Variants in INSRR observed in about 807,000 individuals in gnomAD.
INSRR encodes the protein insulin receptor related receptor.
Under a neutral mutation model 130.0 loss-of-function variants are expected in INSRR, and 114 were observed. The observed-to-expected ratio is 0.88, with a 90% CI of 0.75 to 1.02. The LOEUF (loss-of-function observed/expected upper bound fraction) is 1.02. Among genes scored for constraint, INSRR ranks in the 50% least tolerant of loss-of-function variants. INSRR has a pLI of 0.00. For synonymous variants in INSRR, 674 were observed against 705.2 expected, an observed-to-expected ratio of 0.96 and a Z score of 0.70; for missense variants, 1,657 against 1,735.2, an observed-to-expected ratio of 0.95 and a Z score of 0.80.
At chr1:156,849,506 G>A in intron 5 of INSRR, 46 bp from the exon 6 acceptor site, 1 of 1,226,624 alleles carries the variant, frequency 8.2e-7, no homozygotes. Context: ...GTGGGGGCAG[G>A]GGGTGGGAAA....
intron 19 of INSRR, 30 bp from the exon 20 acceptor site, chr1:156,841,824 T>A: frequency 6.2e-7 from 1 of 1,613,596 alleles, no homozygotes; most frequent in East Asian, 2.2e-5. Context: ...GTGGAGGAGG[T>A]GTGGGGCATA....
rs777560126 is a variant in INSRR, at chr1:156,854,212, G to A, written c.177C>T (p.Leu59=). 10 of 1,614,068 alleles carry A rather than the reference G, an allele frequency of 6.2e-6. No homozygotes were observed. The highest frequency in any genetic ancestry group is 1.7e-4 in the Middle Eastern group (1 of 6,058). ...AGTCCTCCCCGGTGGCTGTGAACAT[G>A]AGCAGGATCTGCAGGTGGCCCTCCA... The part of the protein sequence containing the change: ...SVVEGHLQIL[L]MFTATGEDFR... Residue 59 remains leucine (L), a synonymous_variant, in exon 2 of 22, where the codon CTC becomes CTT. Coordinates refer to ENST00000368195, the MANE Select transcript of INSRR (RefSeq NM_014215.3). This position sits in a 1 kb window ranked among gnomAD's most constrained non-coding sequence, Gnocchi z 4.2.
intron 14 of INSRR, 26 bp downstream of exon 14, chr1:156,844,436 A>G (rs778034198): frequency 5.6e-6 from 9 of 1,606,430 alleles, no homozygotes; most frequent in Non-Finnish European, 7.7e-6. Context: ...TCGGTGATAC[A>G]GGTCTGTGAC....
intron 4 of INSRR, 69 bp from the exon 5 acceptor site, chr1:156,851,503 A>G: frequency 1.9e-6 from 3 of 1,607,464 alleles, no homozygotes; most frequent in Non-Finnish European, 2.6e-6. Flanking sequence ...AAGGGGGCTG[A>G]ATGGGGGCCC....
At chr1:156,849,503 C>T in intron 5 of INSRR, 43 bp from the exon 6 acceptor site, 2 of 483,664 alleles carry the variant, frequency 4.1e-6, no homozygotes, top group East Asian at 5.3e-5. Context: ...GAGGTGGGGG[C>T]AGGGGGTGGG....
chr1:156,845,914 C>A (rs1253249072), intron 9 of INSRR, 38 bp downstream of exon 9: 1 of 1,602,236 alleles, frequency 6.2e-7, no homozygotes, highest in East Asian at 2.3e-5. Context: ...CCCTTCCCCA[C>A]CCGCCCCGCG....
intron 5 of INSRR, among the ~76,000 whole-genome samples, chr1:156,850,534 C>CTTTTTTTTTTTTT (rs35237064): frequency 5.1e-5 from 3 of 58,618 alleles, no homozygotes; most frequent in Non-Finnish European, 3.6e-5. Flanking sequence ...TTAAAACATT[C>CTTTTTTTTTTTTT]TTTTTTTTTT....
At chr1:156,845,523 G>T (rs2102858330) in intron 10 of INSRR, 96 bp downstream of exon 10, 4 of 1,469,960 alleles carry the variant, frequency 2.7e-6, no homozygotes, top group South Asian at 1.4e-5. Flanking sequence ...GCCCACACAA[G>T]CAAGGCCCCA....
At position 156,854,509 on chromosome 1, in the gene INSRR, CA is replaced by C. The variant is rs1655343377; in HGVS notation, c.86-207del. Among the ~76,000 whole-genome samples the C allele has an allele frequency of 6.7e-6, 1 of 149,738 alleles. No individual in the cohort carries two copies. Among genetic ancestry groups the C allele is most frequent in the Non-Finnish European group, 1.5e-5 (1 of 67,516 alleles). Reference sequence around the variant, plus strand: ...GTCTCTACCAGATGAGCCACACAGGCAAAAATGAACTCCTGATCCTCTCTCC... The same window carrying C: ...GTCTCTACCAGATGAGCCACACAGGCAAAATGAACTCCTGATCCTCTCTCC... On this transcript the variant is annotated intron_variant, in intron 1 of 21. Transcript: ENST00000368195. The surrounding 1 kb of genome is among the most constrained non-coding windows in gnomAD (Gnocchi z 4.2).
intron 10 of INSRR, 38 bp downstream of exon 10, chr1:156,845,581 C>A (rs1307797588): frequency 2.6e-6 from 4 of 1,536,794 alleles, no homozygotes; most frequent in East Asian, 4.5e-5. Context: ...ACAGGCCCCA[C>A]TCATCAGACC....
chr1:156,842,893 G>A, intron 17 of INSRR, 111 bp downstream of exon 17: 2 of 831,160 alleles, frequency 2.4e-6, no homozygotes, highest in Non-Finnish European at 3.9e-6. Context: ...CCTAACCATG[G>A]TCCCAATCTT....
chr1:156,855,950 T>C (rs1426835614), intron 1 of INSRR, among the ~76,000 whole-genome samples: 1 of 151,994 alleles, frequency 6.6e-6, no homozygotes, highest in Non-Finnish European at 1.5e-5. Context: ...TGTATGTGTA[T>C]AATATTTTGA....
rs1038615918 is a variant in INSRR at position 156,858,851 on chromosome 1, A to G, written c.-230T>C. On this transcript the variant is annotated 5_prime_UTR_variant, in exon 1 of 22. The change abolishes an upstream ATG in the 5' untranslated region. Coordinates refer to ENST00000368195, the MANE Select transcript of INSRR (RefSeq NM_014215.3). ...GCAGTTGGAGACAGAGAGACTCAGC[A>G]TGAGATTGAGAGATGGGGACAGAGA... 1.4e-5 allele frequency: 8 copies of G among 573,576 alleles called. No individual in the cohort carries two copies. Among genetic ancestry groups the G allele is most frequent in the Non-Finnish European group, 2.2e-5 (7 of 320,216 alleles). 35.5% of individuals were successfully genotyped at this position (573,576 alleles called of 1,614,324 possible).
At chr1:156,853,461 C>T (rs182655699) in intron 2 of INSRR, among the ~76,000 whole-genome samples, 1 of 152,336 alleles carries the variant, frequency 6.6e-6, no homozygotes, top group Non-Finnish European at 1.5e-5. Flanking sequence ...CACACTGCTT[C>T]TTGCGCTGCC....
At chr1:156,844,355 T>C (rs1654909062) in intron 14 of INSRR, 75 bp from the exon 15 acceptor site, 4 of 1,546,258 alleles carry the variant, frequency 2.6e-6, no homozygotes, top group Admixed American at 1.7e-5. Context: ...TCTCTTTCCA[T>C]GCTGGGAGGT....
Position 156,842,384 on chromosome 1 carries a change from T to A in INSRR, c.3237+14A>T, listed in dbSNP as rs374031406. On this transcript the variant is annotated intron_variant, in intron 18 of 21. Transcript: ENST00000368195. ...AACCCTTCTTTCACTCCCCAGGGTC[T>A]TCCTGGTCCCTACCTCTGCCTCAGG... is the stretch of plus-strand genomic sequence containing the variant. 1.9e-6 allele frequency: 3 copies of A among 1,613,044 alleles called. No homozygotes were observed. The highest frequency in any genetic ancestry group is 2.5e-6 in the Non-Finnish European group (3 of 1,179,158).
rs1654902251 is a variant in INSRR, at chr1:156,844,218, G to T, written c.2800C>A (p.Leu934Ile). 6.2e-7 allele frequency: 1 copy of T among 1,613,912 alleles called. No homozygotes were observed. Among genetic ancestry groups the T allele is most frequent in the Non-Finnish European group, 8.5e-7 (1 of 1,180,010 alleles). Residue 934 changes from leucine (L) to isoleucine (I), a missense_variant, in exon 15 of 22, where the codon CTC (leucine) becomes ATC (isoleucine). Coordinates refer to ENST00000368195, the MANE Select transcript of INSRR (RefSeq NM_014215.3). ...AAACCAAGGGCAGCAAGAACGATGAGCAGCGTGAGCCCCACAGGGGTGGCA... is the reference window on the plus strand; with the variant it reads ...AAACCAAGGGCAGCAAGAACGATGATCAGCGTGAGCCCCACAGGGGTGGCA... Reference protein sequence around the residue: ...LTATPVGLTLLIVLAALGFFY... With the variant: ...LTATPVGLTLIIVLAALGFFY...
chr1:156,852,240 G>A (rs751456588), intron 2 of INSRR, 49 bp from the exon 3 acceptor site: 2 of 1,522,214 alleles, frequency 1.3e-6, no homozygotes, highest in Non-Finnish European at 1.8e-6. Flanking sequence ...CCTCAGTCCT[G>A]GCTGTCCTTC....
rs769580469 is a variant in INSRR at position 156,845,764 on chromosome 1, C to G, written c.2029G>C (p.Gly677Arg). The change falls in exon 10 of 22, where the codon GGG (glycine) becomes CGG (arginine). Residue 677 changes from glycine (G) to arginine (R), a missense_variant. By Grantham distance (125) the Gly-to-Arg change is moderately radical (BLOSUM62 -2). Coordinates refer to ENST00000368195, the MANE Select transcript of INSRR (RefSeq NM_014215.3). ...NNDPRFDGEDGDPEAEMESDC... is the reference protein window; with the variant it reads ...NNDPRFDGEDRDPEAEMESDC... ...GACTCCATCTCGGCCTCAGGATCCC[C>G]GTCTTCGCCGTCGAAGCGCGGATCG... 6.2e-6 allele frequency: 10 copies of G among 1,613,328 alleles called. No individual in the cohort carries two copies. Among genetic ancestry groups the G allele is most frequent in the Non-Finnish European group, 6.8e-6 (8 of 1,179,912 alleles).
Sources: gnomAD v4.1 joint callset for allele counts (sites outside exome capture counted in the v4.1 genomes callset) on GRCh38, gnomAD v4.1.1 for gene constraint, Gnocchi (gnomAD v3.1) non-coding constraint, MANE v1.5 for transcripts, NCBI Gene and HGNC (gene_info 2026-07-23, HGNC 2026-07-21) for gene names.